TMEM200A: variants seen among roughly 807,000 people sequenced by gnomAD.
TMEM200A encodes transmembrane protein 200A, also known as two transmembrane C.
TMEM200A carries 12 observed loss-of-function variants against 24.3 expected under a neutral mutation model. The observed-to-expected ratio is 0.49, with a 90% CI of 0.32 to 0.80. TMEM200A has a LOEUF of 0.80. TMEM200A is among the 30% of genes least tolerant of loss of function. The pLI is 0.04. For synonymous variants in TMEM200A, 224 were observed against 224.4 expected (o/e 1.00, Z 0.02); for missense variants, 545 against 614.4 (o/e 0.89, Z 1.19).
At chr6:130,372,474 A>T (rs1778344033) in intron 1 of TMEM200A, among the ~76,000 whole-genome samples, 1 of 151,838 alleles carries the variant, frequency 6.6e-6, no homozygotes, top group African/African-American at 2.4e-5. Context: ...AAGAGAAGGG[A>T]CCTCTGCCAG....
Position 130,440,812 on chromosome 6 carries a change from A to T in TMEM200A, c.390A>T (p.Pro130=). ...LHSDKMKMLG[P]FTMGIGIFIF... ...CTGATAAGATGAAAATGCTTGGCCC[A>T]TTCACCATGGGGATTGGCATTTTCA... Residue 130 remains proline (P), a synonymous_variant, in exon 3 of 3, where the codon CCA becomes CCT. Transcript: ENST00000296978. 6.2e-7 allele frequency: 1 copy of T among 1,613,608 alleles called. No individual in the cohort carries two copies. The highest frequency in any genetic ancestry group is 8.5e-7 in the Non-Finnish European group (1 of 1,179,758).
At chr6:130,370,296 T>G (rs892433816) in intron 1 of TMEM200A, among the ~76,000 whole-genome samples, 1 of 152,192 alleles carries the variant, frequency 6.6e-6, no homozygotes, top group Non-Finnish European at 1.5e-5. Flanking sequence ...TGATTGGCCC[T>G]GCTCAGTGGT....
At chr6:130,387,714 T>C (rs1215669511) in intron 2 of TMEM200A, among the ~76,000 whole-genome samples, 2 of 152,218 alleles carry the variant, frequency 1.3e-5, no homozygotes, top group African/African-American at 4.8e-5. Context: ...GAATTCTAGA[T>C]TGAAATTGTG....
At chr6:130,427,803 G>T (rs1779782604) in intron 2 of TMEM200A, among the ~76,000 whole-genome samples, 1 of 147,680 alleles carries the variant, frequency 6.8e-6, no homozygotes, top group African/African-American at 2.5e-5. Flanking sequence ...GCATTTCTTT[G>T]CTCATTCTTC....
At chr6:130,434,592 G>T (rs990935336) in intron 2 of TMEM200A, among the ~76,000 whole-genome samples, 1 of 152,126 alleles carries the variant, frequency 6.6e-6, no homozygotes, top group Non-Finnish European at 1.5e-5. Context: ...ACCAGAATGT[G>T]CTTAAGCTTG....
Position 130,440,913 on chromosome 6 carries a change from A to G in TMEM200A, c.491A>G (p.Tyr164Cys), listed in dbSNP as rs1780148851. The change falls in exon 3 of 3, where the codon TAT (tyrosine) becomes TGT (cysteine). Residue 164 changes from tyrosine (Y) to cysteine (C), a missense_variant. Physicochemically the swap from Tyr to Cys is radical, Grantham distance 194. Transcript: ENST00000296978. ...ETKIIHMRDI[Y>C]STVIDIHTLR... Reference sequence around the variant, plus strand: ...AAAATCATACACATGAGGGATATCTATTCCACAGTCATTGACATTCACACG... The same window carrying G: ...AAAATCATACACATGAGGGATATCTGTTCCACAGTCATTGACATTCACACG... 2 of 1,614,092 alleles carry G rather than the reference A, an allele frequency of 1.2e-6. No individual in the cohort carries two copies. Among genetic ancestry groups the G allele is most frequent in the Admixed American group, 1.7e-5 (1 of 60,024 alleles).
intron 1 of TMEM200A, among the ~76,000 whole-genome samples, chr6:130,378,054 T>G (rs1220005769): frequency 6.6e-6 from 1 of 151,678 alleles, no homozygotes; most frequent in Non-Finnish European, 1.5e-5. Context: ...GGGGTGGGAG[T>G]TGGCTTGGAC....
At chr6:130,365,585 C>A (rs927372191), upstream of TMEM200A, 13 of 985,322 alleles carry the variant, frequency 1.3e-5, no homozygotes, top group Admixed American at 5.5e-4. Context: ...AGCTCCCCAG[C>A]CGCTCCGGAG....
intron 2 of TMEM200A, among the ~76,000 whole-genome samples, chr6:130,389,660 A>T (rs529111204): frequency 6.7e-6 from 1 of 148,240 alleles, no homozygotes; most frequent in Non-Finnish European, 1.5e-5. Flanking sequence ...ACAATAATAT[A>T]GCTTGTTAGA....
rs766908029 is a variant in TMEM200A at position 130,421,895 on chromosome 6, TTG to T, written c.-16-18507_-16-18506del. ...TTTTTAAAAGCTAAGTAATGTTTTATTGTGTGGGTGTGTGTATATATGTATAT... is the reference window on the plus strand; with the variant it reads ...TTTTTAAAAGCTAAGTAATGTTTTATTGTGGGTGTGTGTATATATGTATAT... On this transcript the variant is annotated intron_variant, in intron 2 of 2. Coordinates refer to ENST00000296978, the MANE Select transcript of TMEM200A (RefSeq NM_001258277.2). Among the ~76,000 whole-genome samples the T allele has an allele frequency of 3.3e-5, 5 of 152,276 alleles. No individual in the cohort carries two copies. In the South Asian group the frequency reaches 1.0e-3, roughly 32 times the overall value.
chr6:130,428,336 G>C (rs1461056623), intron 2 of TMEM200A, among the ~76,000 whole-genome samples: 1 of 152,040 alleles, frequency 6.6e-6, no homozygotes. Context: ...ATTTAATATT[G>C]TCATTAATCC....
At chr6:130,427,951 T>A (rs74436832) in intron 2 of TMEM200A, among the ~76,000 whole-genome samples, 7 of 152,148 alleles carry the variant, frequency 4.6e-5, no homozygotes, top group Admixed American at 1.3e-4. Flanking sequence ...GTGTAGAAGA[T>A]ACTTGAAGCT....
chr6:130,390,547 C>T (rs1037332307), intron 2 of TMEM200A, among the ~76,000 whole-genome samples: 3 of 152,222 alleles, frequency 2.0e-5, no homozygotes, highest in Non-Finnish European at 4.4e-5. Flanking sequence ...AAAAGCTTGA[C>T]AAACCTTAGT....
chr6:130,410,336 A>G (rs911556139), intron 2 of TMEM200A, among the ~76,000 whole-genome samples: 8 of 152,216 alleles, frequency 5.3e-5, no homozygotes, highest in African/African-American at 1.7e-4. Flanking sequence ...GATGGACTCA[A>G]AATCTCTGGA....
intron 1 of TMEM200A, among the ~76,000 whole-genome samples, chr6:130,377,600 A>G (rs1778491514): frequency 6.6e-6 from 1 of 152,182 alleles, no homozygotes; most frequent in South Asian, 2.1e-4. Flanking sequence ...CTGCTCCTCC[A>G]AGTCCTCCTG....
chr6:130,406,375 T>C (rs1377866451), intron 2 of TMEM200A, among the ~76,000 whole-genome samples: 1 of 152,162 alleles, frequency 6.6e-6, no homozygotes, highest in East Asian at 1.9e-4. Flanking sequence ...AACAATATCT[T>C]GGATTTTATG....
intron 2 of TMEM200A, among the ~76,000 whole-genome samples, chr6:130,397,985 A>G (rs1419631492): frequency 2.0e-5 from 3 of 151,142 alleles, no homozygotes; most frequent in Non-Finnish European, 4.4e-5. Flanking sequence ...CTCAACTTTT[A>G]TTTTAGGTTC....
In TMEM200A at chr6:130,391,245, G is replaced by T. The variant is rs183579207; in HGVS notation, c.-17+6009G>T. ...TAAGAAATACTTAAAGAAGTTATCA[G>T]TTATAATACCTATGTTGATTCATTA... On this transcript the variant is annotated intron_variant, in intron 2 of 2. Transcript: ENST00000296978. Among the ~76,000 whole-genome samples the T allele has an allele frequency of 1.5e-3, 227 of 152,312 alleles. 2 individuals carry two copies. The highest frequency in any genetic ancestry group is 5.2e-3 in the African/African-American group (217 of 41,570).
At chr6:130,379,410 A>T (rs942864066) in intron 1 of TMEM200A, among the ~76,000 whole-genome samples, 1 of 152,234 alleles carries the variant, frequency 6.6e-6, no homozygotes, top group South Asian at 2.1e-4. Context: ...CAAAGGGAAC[A>T]GGAATTTATG....
Sources: allele counts gnomAD v4.1 joint callset (sites outside exome capture counted in the v4.1 genomes callset), GRCh38; gene constraint gnomAD v4.1.1; transcripts MANE v1.5; gene names NCBI Gene and HGNC (gene_info 2026-07-23, HGNC 2026-07-21).